Variants in UNC93A observed in about 807,000 individuals in gnomAD.
The protein encoded by UNC93A is unc-93 homolog A, also known as N-acetylglucosamine transporter UNC93A.
A neutral mutation model predicts 47.5 loss-of-function variants in UNC93A; 43 were observed. The observed-to-expected ratio is 0.91, with a 90% confidence interval of 0.71 to 1.17. The LOEUF is 1.17. UNC93A is among the 50% of genes most tolerant of loss of function. The probability of loss-of-function intolerance (pLI) is 0.00; values close to 1 mark genes in which losing one functional copy is unlikely to be tolerated. For synonymous variants in UNC93A, 280 were observed against 258.0 expected, an observed-to-expected ratio of 1.09 and a Z score of -0.82; for missense variants, 605 against 577.6, an observed-to-expected ratio of 1.05 and a Z score of -0.49.
chr6:167,304,674 G>A (rs549249075), intron 5 of UNC93A, among the ~76,000 whole-genome samples: 14 of 152,104 alleles, frequency 9.2e-5, no homozygotes, highest in Admixed American at 2.6e-4. Flanking sequence ...AGGTTCAAGC[G>A]ATTCTCCTGC....
intron 5 of UNC93A, among the ~76,000 whole-genome samples, chr6:167,304,974 G>A (rs545760793): frequency 4.5e-4 from 69 of 152,286 alleles, no homozygotes; most frequent in African/African-American, 1.1e-3. Flanking sequence ...TGAGAGAGGC[G>A]GTGCCCCACC....
At chr6:167,291,070 A>G (rs1783831384), upstream of UNC93A, among the ~76,000 whole-genome samples, 1 of 152,180 alleles carries the variant, frequency 6.6e-6, no homozygotes, top group East Asian at 1.9e-4. Context: ...TGCACCACTG[A>G]CAACTTCTGA....
At chr6:167,270,042 T>G (rs977491882), upstream of UNC93A, among the ~76,000 whole-genome samples, 4 of 51,488 alleles carry the variant, frequency 7.8e-5, no homozygotes, top group African/African-American at 2.8e-4. Context: ...GCCCAGAGGC[T>G]GCACGGGGTG....
chr6:167,306,004 T>C lies in UNC93A; in HGVS notation c.930T>C (p.Tyr310=). 6.2e-7 allele frequency: 1 copy of C among 1,614,198 alleles called. No homozygotes were observed. Among genetic ancestry groups the C allele is most frequent in the Non-Finnish European group, 8.5e-7 (1 of 1,180,042 alleles). The change falls in exon 6 of 8, where the codon TAT becomes TAC. Residue 310 remains tyrosine, a synonymous_variant. Coordinates refer to ENST00000230256, the MANE Select transcript of UNC93A (RefSeq NM_018974.4). ...SATDALCSVL[Y]GKVSQYTGRA... is the part of the protein sequence containing the mutation. ...CTGACGCGCTGTGCTCCGTGTTGTATGGAAAGGTCTCGCAGTACACGGGCA... is the reference window on the plus strand; with the variant it reads ...CTGACGCGCTGTGCTCCGTGTTGTACGGAAAGGTCTCGCAGTACACGGGCA...
At chr6:167,312,848 C>A (rs959423848) in intron 7 of UNC93A, among the ~76,000 whole-genome samples, 2 of 152,208 alleles carry the variant, frequency 1.3e-5, no homozygotes, top group African/African-American at 2.4e-5. Context: ...AAAATAGGAA[C>A]CAAATCTTGA....
At chr6:167,304,190 CTG>C in intron 5 of UNC93A, 57 bp downstream of exon 5, 1 of 1,587,356 alleles carries the variant, frequency 6.3e-7, no homozygotes, top group Non-Finnish European at 8.6e-7. Flanking sequence ...ACTGCCTTGC[CTG>C]TGTCTGTACC....
intron 4 of UNC93A, among the ~76,000 whole-genome samples, chr6:167,302,980 C>A (rs1778283390): frequency 6.6e-6 from 1 of 152,160 alleles, no homozygotes; most frequent in African/African-American, 2.4e-5. Context: ...GTGTCCGCAC[C>A]ATAGATGCTC....
intron 3 of UNC93A, among the ~76,000 whole-genome samples, chr6:167,297,181 G>A (rs577764648): frequency 1.3e-5 from 2 of 152,244 alleles, no homozygotes; most frequent in East Asian, 3.9e-4. Flanking sequence ...CATTTCTTTC[G>A]AAGACCTTTC....
upstream of UNC93A, among the ~76,000 whole-genome samples, chr6:167,288,793 C>T (rs978513486): frequency 2.2e-4 from 34 of 152,152 alleles, 1 homozygote; most frequent in African/African-American, 6.0e-4. Flanking sequence ...GCATGAAGAA[C>T]GCATGGCGCC....
At chr6:167,280,724 G>T (rs1203788634) in intron 1 of UNC93A, among the ~76,000 whole-genome samples, 2 of 152,106 alleles carry the variant, frequency 1.3e-5, no homozygotes, top group African/African-American at 2.4e-5. Flanking sequence ...AATGATTGTT[G>T]TATAGACCAA....
intron 1 of UNC93A, among the ~76,000 whole-genome samples, chr6:167,283,901 C>T (rs1265601475): frequency 1.3e-5 from 2 of 152,188 alleles, no homozygotes; most frequent in African/African-American, 2.4e-5. Flanking sequence ...ATTGAGTCTT[C>T]GTGGTATGAG....
chr6:167,282,078 C>T (rs1200778413), intron 1 of UNC93A, among the ~76,000 whole-genome samples: 1 of 152,080 alleles, frequency 6.6e-6, no homozygotes, highest in Non-Finnish European at 1.5e-5. Context: ...TTTTATTGTA[C>T]CAGGGAGAGC....
In UNC93A at chr6:167,276,059, C is replaced by CTTT. The variant is rs112367150; in HGVS notation, c.-52+4603_-52+4605dup. On this transcript the variant is annotated intron_variant, in intron 1 of 3. Transcript: ENST00000503433. Reference sequence around the variant, plus strand: ...CTCTATGAGATCATTTTTTTCTTTTCTTTTCTTTTTTTTTTTTTAGCTCAC... The same window carrying CTTT: ...CTCTATGAGATCATTTTTTTCTTTTCTTTTTTTCTTTTTTTTTTTTTAGCTCAC... Among the ~76,000 whole-genome samples the CTTT allele has an allele frequency of 9.8e-5, 13 of 132,334 alleles. 4 individuals are homozygous for CTTT. The highest frequency in any genetic ancestry group is 2.1e-4 in the East Asian group (1 of 4,652). The allele number at this position is 132,334 out of a possible 152,430, so 86.8% of individuals were successfully genotyped here. A position where few individuals can be genotyped will look rare whatever the true frequency, so the allele number is the denominator to read the frequency against.
intron 1 of UNC93A, among the ~76,000 whole-genome samples, chr6:167,282,438 A>G (rs1051469356): frequency 4.6e-5 from 7 of 152,008 alleles, no homozygotes; most frequent in African/African-American, 1.7e-4. Context: ...GAACAGAAAA[A>G]GGTGGGGGGA....
chr6:167,297,373 C>T (rs904909979), intron 3 of UNC93A, among the ~76,000 whole-genome samples: 3 of 151,644 alleles, frequency 2.0e-5, no homozygotes, highest in African/African-American at 4.8e-5. Flanking sequence ...ATAATAAAAA[C>T]ACTGAATATT....
intron 7 of UNC93A, among the ~76,000 whole-genome samples, chr6:167,311,847 A>G (rs1251981398): frequency 6.6e-6 from 1 of 152,298 alleles, no homozygotes; most frequent in Non-Finnish European, 1.5e-5. Context: ...TTTACCCCGT[A>G]GGCCCTGTGC....
chr6:167,312,114 G>T (rs897951145), intron 7 of UNC93A, among the ~76,000 whole-genome samples: 1 of 152,122 alleles, frequency 6.6e-6, no homozygotes, highest in Non-Finnish European at 1.5e-5. Flanking sequence ...GAAGAGCACC[G>T]TAGTCTGTAG....
In UNC93A at chr6:167,294,865, C is replaced by T. The variant is rs561850553; in HGVS notation, c.269+167C>T. ...CGCCTCGCTTTGGTGACAGACGGTG[C>T]TGGGCTTCCTTCCTGTTTTCCCACC... On this transcript the variant is annotated intron_variant, in intron 2 of 7. Transcript: ENST00000230256. Among the ~76,000 whole-genome samples, 55 of 152,200 alleles carry T rather than the reference C, an allele frequency of 3.6e-4. 2 individuals are homozygous for T. In the South Asian group the frequency reaches 5.8e-3, roughly 16 times the overall value.
intron 3 of UNC93A, 142 bp downstream of exon 3, chr6:167,296,403 C>T (rs1778090307): frequency 2.3e-6 from 2 of 866,454 alleles, no homozygotes; most frequent in Non-Finnish European, 3.6e-6. Flanking sequence ...GTGAGATTCT[C>T]AACCTGCCTG....
Sources: gnomAD v4.1 joint callset for allele counts (sites outside exome capture counted in the v4.1 genomes callset) on GRCh38, gnomAD v4.1.1 for gene constraint, MANE v1.5 for transcripts, NCBI Gene and HGNC (gene_info 2026-07-23, HGNC 2026-07-21) for gene names.